The following MAPRE1 variants were observed in gnomAD, a reference collection of about 807,000 sequenced individuals.
MAPRE1 encodes the protein microtubule associated protein RP/EB family member 1, also known as microtubule-associated protein RP/EB family member 1.
MAPRE1 carries 5 observed loss-of-function variants against 32.1 expected under a neutral mutation model. The ratio of observed to expected loss-of-function variants is 0.16; its 90% CI spans 0.08 to 0.33. MAPRE1 has a LOEUF of 0.33. Ranked by LOEUF, MAPRE1 falls within the 10% of genes least tolerant of loss-of-function variation. The pLI, the probability that MAPRE1 is intolerant of heterozygous loss-of-function variation, is 1.00. For synonymous variants in MAPRE1, 122 were observed against 118.9 expected, an observed-to-expected ratio of 1.03 and a Z score of -0.17; for missense variants, 209 against 327.2, an observed-to-expected ratio of 0.64 and a Z score of 2.79.
intron 1 of MAPRE1, among the ~76,000 whole-genome samples, chr20:32,825,571 G>A (rs1262491433): frequency 6.6e-6 from 1 of 152,142 alleles, no homozygotes; most frequent in African/African-American, 2.4e-5. Flanking sequence ...AAGGTGAGTG[G>A]ATCACCTGAG....
intron 2 of MAPRE1, 98 bp downstream of exon 2, chr20:32,826,146 C>G (rs1397060668): frequency 1.7e-5 from 21 of 1,211,982 alleles, no homozygotes; most frequent in Non-Finnish European, 2.4e-5. Context: ...CACAGAGGTT[C>G]AGGGTCTTTG....
chr20:32,848,900 T>C lies in MAPRE1; in HGVS notation c.*172T>C, dbSNP rs1983577284. 7.4e-6 allele frequency: 4 copies of C among 539,096 alleles called. No individual in the cohort carries two copies. The South Asian group carries it at 1.1e-4, about 14-fold the overall frequency. 33.4% of individuals were successfully genotyped at this position (539,096 alleles called of 1,614,324 possible). A position where few individuals can be genotyped will look rare whatever the true frequency, so the allele number is the denominator to read the frequency against. ...CGTTTCACTCCTTTTCCAATAAGTT[T>C]GAGTTAGGAGCTTTTACCTTGTAGC... is the stretch of plus-strand genomic sequence containing the variant. On this transcript the variant is annotated 3_prime_UTR_variant, in exon 7 of 7. Coordinates refer to ENST00000375571, the MANE Select transcript of MAPRE1 (RefSeq NM_012325.3).
intron 2 of MAPRE1, among the ~76,000 whole-genome samples, chr20:32,831,039 GC>G (rs1438292419): frequency 6.7e-6 from 1 of 149,132 alleles, no homozygotes. Flanking sequence ...AAACATTTTT[GC>G]CTAAGTCTTC....
intron 6 of MAPRE1, among the ~76,000 whole-genome samples, chr20:32,848,325 A>G (rs1983561279): frequency 6.6e-6 from 1 of 152,034 alleles, no homozygotes; most frequent in South Asian, 2.1e-4. Context: ...GAGCCATCAC[A>G]CCTGGCCTTC....
rs187932901 is a variant in MAPRE1 at position 32,847,262 on chromosome 20, A to G, written c.750+492A>G. 3.3e-5 allele frequency among the ~76,000 whole-genome samples: 5 copies of G among 152,272 alleles called. 1 individual carries two copies. The highest frequency in any genetic ancestry group is 2.6e-4 in the Admixed American group (4 of 15,304). ...GGTTCTCACTCCCTCAAAGTACTCT[A>G]TGATCAAGTTTCTTTGGATCCATGT... On this transcript the variant is annotated intron_variant, in intron 6 of 6. Coordinates refer to ENST00000375571, the MANE Select transcript of MAPRE1 (RefSeq NM_012325.3).
intron 6 of MAPRE1, 90 bp downstream of exon 6, chr20:32,846,860 C>A (rs1983519281): frequency 1.4e-6 from 2 of 1,389,672 alleles, no homozygotes; most frequent in South Asian, 1.2e-5. Flanking sequence ...TCCAGTGTTG[C>A]ATTCATCAAA....
intron 2 of MAPRE1, among the ~76,000 whole-genome samples, chr20:32,832,923 A>G (rs1044504998): frequency 6.8e-6 from 1 of 148,138 alleles, no homozygotes; most frequent in African/African-American, 2.5e-5. Context: ...CAGCTTGGCA[A>G]CAGAGCGAGA....
At chr20:32,844,832 G>C (rs1983460290) in intron 5 of MAPRE1, among the ~76,000 whole-genome samples, 1 of 152,224 alleles carries the variant, frequency 6.6e-6, no homozygotes. Context: ...CTCTGAGTCT[G>C]CTTCCCGCTG....
rs186615974 is a variant in MAPRE1, at chr20:32,841,388, G to A, written c.597+1532G>A. Among the ~76,000 whole-genome samples the A allele has an allele frequency of 2.4e-3, 365 of 151,738 alleles. 1 individual carries two copies. The highest frequency in any genetic ancestry group is 8.2e-3 in the African/African-American group (339 of 41,380). ...GTTAATGTTGAGGCTGGGTAGCAGC[G>A]ACTTGATCTGTGCTCTCCGAGAGAG... On this transcript the variant is annotated intron_variant, in intron 5 of 6. Coordinates refer to ENST00000375571, the MANE Select transcript of MAPRE1 (RefSeq NM_012325.3).
At chr20:32,839,962 T>TC in intron 5 of MAPRE1, 106 bp downstream of exon 5, 1 of 1,499,934 alleles carries the variant, frequency 6.7e-7, no homozygotes, top group Non-Finnish European at 9.1e-7. Flanking sequence ...CCTTGTTTGC[T>TC]TGCCAGAGCA....
chr20:32,848,564 A>G, intron 6 of MAPRE1, 108 bp from the exon 7 acceptor site: 1 of 768,676 alleles, frequency 1.3e-6, no homozygotes, highest in Non-Finnish European at 2.1e-6. Context: ...TGGCCTGTAT[A>G]GAGCCAGGAA....
chr20:32,834,377 A>G (rs1262538684), intron 3 of MAPRE1, among the ~76,000 whole-genome samples: 2 of 152,172 alleles, frequency 1.3e-5, no homozygotes, highest in East Asian at 1.9e-4. Flanking sequence ...TCTGCCCCCA[A>G]AGGTTTTTGA....
chr20:32,829,247 C>T (rs1390537548), intron 2 of MAPRE1, among the ~76,000 whole-genome samples: 1 of 152,096 alleles, frequency 6.6e-6, no homozygotes, highest in Non-Finnish European at 1.5e-5. Context: ...GCTACTTTTC[C>T]CAAATAAAGT....
intron 3 of MAPRE1, among the ~76,000 whole-genome samples, chr20:32,834,263 G>A (rs535389917): frequency 5.0e-4 from 76 of 152,294 alleles, no homozygotes; most frequent in Non-Finnish European, 9.3e-4. Flanking sequence ...GCTCACACCC[G>A]TAATCCCAGC....
At chr20:32,837,480 A>G (rs775225047) in intron 4 of MAPRE1, among the ~76,000 whole-genome samples, 68 of 152,262 alleles carry the variant, frequency 4.5e-4, no homozygotes, top group African/African-American at 1.5e-3. Flanking sequence ...AGCTTTCCCA[A>G]GATGTGTTTA....
intron 4 of MAPRE1, among the ~76,000 whole-genome samples, chr20:32,837,166 T>C (rs1211273140): frequency 1.3e-5 from 2 of 152,244 alleles, no homozygotes; most frequent in Non-Finnish European, 2.9e-5. Flanking sequence ...TCCATCAGGC[T>C]AGCTCATGTA....
In MAPRE1 at chr20:32,848,751, A is replaced by G. The variant is rs372395922; in HGVS notation, c.*23A>G. 1.8e-5 allele frequency: 29 copies of G among 1,601,196 alleles called. No individual in the cohort carries two copies. Among genetic ancestry groups the G allele is most frequent in the African/African-American group, 2.7e-5 (2 of 74,458 alleles). On this transcript the variant is annotated 3_prime_UTR_variant, in exon 7 of 7. Coordinates refer to ENST00000375571, the MANE Select transcript of MAPRE1 (RefSeq NM_012325.3). ...TAACAGCCTGGACCAGCAGAGCAAC[A>G]TCGGAATTCTTCACTCCAAATCATG... is the stretch of plus-strand genomic sequence containing the variant.
chr20:32,832,520 G>A (rs151208829), intron 2 of MAPRE1, among the ~76,000 whole-genome samples: 5 of 147,262 alleles, frequency 3.4e-5, no homozygotes, highest in East Asian at 4.1e-4. Flanking sequence ...AGGCTGGAGT[G>A]CAGTGATGTG....
chr20:32,835,462 G>T (rs1983171506), intron 3 of MAPRE1, among the ~76,000 whole-genome samples: 1 of 148,784 alleles, frequency 6.7e-6, no homozygotes, highest in Non-Finnish European at 1.5e-5. Flanking sequence ...GATTGCAGGT[G>T]GGCAGCCCTG....
Sources: allele counts gnomAD v4.1 joint callset (sites outside exome capture counted in the v4.1 genomes callset), GRCh38; gene constraint gnomAD v4.1.1; transcripts MANE v1.5; gene names NCBI Gene and HGNC (gene_info 2026-07-23, HGNC 2026-07-21).